Variants in DDIAS observed in about 807,000 individuals in gnomAD.
DDIAS encodes the protein DNA damage induced apoptosis suppressor.
DDIAS carries 14 observed loss-of-function variants against 15.7 expected under a neutral mutation model. That is an observed-to-expected ratio of 0.89 (90% CI 0.59 to 1.39). The LOEUF (loss-of-function observed/expected upper bound fraction) is 1.39. Among genes scored for constraint, DDIAS ranks in the 40% most tolerant of loss-of-function variants. DDIAS has a pLI of 0.00. For synonymous variants in DDIAS, 355 were observed against 395.9 expected (o/e 0.90, Z 1.23); for missense variants, 1,035 against 1,130.9 (o/e 0.92, Z 1.22).
intron 3 of DDIAS, among the ~76,000 whole-genome samples, chr11:82,922,396 G>C (rs1269022846): frequency 6.6e-6 from 1 of 152,148 alleles, no homozygotes; most frequent in Middle Eastern, 3.4e-3. Flanking sequence ...TTGGATGCTT[G>C]GTTCATAATT....
Position 82,914,863 on chromosome 11 carries a change from G to A in DDIAS, c.113+12G>A. 2 of 1,506,354 alleles carry A rather than the reference G, an allele frequency of 1.3e-6. No homozygotes were observed. Among genetic ancestry groups the A allele is most frequent in the Non-Finnish European group, 1.8e-6 (2 of 1,088,994 alleles). The allele number at this position is 1,506,354 out of a possible 1,614,324, so 93.3% of individuals were successfully genotyped here. A position where few individuals can be genotyped will look rare whatever the true frequency, so the allele number is the denominator to read the frequency against. On this transcript the variant is annotated intron_variant, in intron 3 of 5. Transcript: ENST00000533655. ...CTGGTCTCCAAAAGGTAAAAGTAAAGTCTGTAAGTGTGAGAGAGGAAATAC... is the reference window on the plus strand; with the variant it reads ...CTGGTCTCCAAAAGGTAAAAGTAAAATCTGTAAGTGTGAGAGAGGAAATAC...
At chr11:82,930,374 A>C in intron 5 of DDIAS, 100 bp downstream of exon 5, 1 of 866,620 alleles carries the variant, frequency 1.2e-6, no homozygotes, top group South Asian at 1.6e-5. Flanking sequence ...TGTACATGTG[A>C]AGGCCTGTAG....
chr11:82,914,807 A>T lies in DDIAS; in HGVS notation c.69A>T (p.Pro23=), dbSNP rs781039063. 4 of 1,609,852 alleles carry T rather than the reference A, an allele frequency of 2.5e-6. No individual in the cohort carries two copies. The highest frequency in any genetic ancestry group is 1.3e-5 in the African/African-American group (1 of 74,802). The change falls in exon 3 of 6, where the codon CCA becomes CCT. Residue 23 remains proline, a synonymous_variant. Coordinates refer to ENST00000533655, the MANE Select transcript of DDIAS (RefSeq NM_145018.4). ...TCCAGAATTCAAGTTTTATATATCC[A>T]TCATGTCAGAAGTGCTTCTCTAGGA... is the stretch of plus-strand genomic sequence containing the variant. ...LALQNSSFIY[P]SCQKCFSRII... is the part of the protein sequence containing the mutation.
chr11:82,929,631 G>A (rs1335737197), intron 4 of DDIAS, among the ~76,000 whole-genome samples: 1 of 150,666 alleles, frequency 6.6e-6, no homozygotes, highest in Non-Finnish European at 1.5e-5. Flanking sequence ...ATGAACCCAG[G>A]AGGCAGAGCT....
chr11:82,907,003 G>T (rs1004553787), intron 1 of DDIAS, among the ~76,000 whole-genome samples: 4 of 152,050 alleles, frequency 2.6e-5, no homozygotes, highest in African/African-American at 9.7e-5. Context: ...TTGAGTCCAG[G>T]AAAAACAAGC....
rs35533646 is a variant in DDIAS, at chr11:82,933,009, G to C, written c.1671G>C (p.Lys557Asn). Residue 557 changes from lysine (K) to asparagine (N), a missense_variant, in exon 6 of 6, where the codon AAG becomes AAC. By Grantham distance (94) the Lys-to-Asn change is moderately conservative. Transcript: ENST00000533655. ...TAGAAACAATAGTTACTCTTAAGAA[G>C]ACTATCAGAATCTCACCACACAGGG... ...KDLETIVTLK[K>N]TIRISPHRES... 3.0e-3 allele frequency: 4,881 copies of C among 1,609,696 alleles called. 8 individuals are homozygous for C. The highest frequency in any genetic ancestry group is 4.0e-3 in the Non-Finnish European group (4,660 of 1,179,596).
At chr11:82,916,156 G>A (rs1195261964) in intron 3 of DDIAS, among the ~76,000 whole-genome samples, 4 of 152,104 alleles carry the variant, frequency 2.6e-5, no homozygotes, top group Non-Finnish European at 5.9e-5. Flanking sequence ...GTTAACTTCT[G>A]TGAGTCTAAT....
intron 1 of DDIAS, among the ~76,000 whole-genome samples, chr11:82,911,589 C>T (rs1052718112): frequency 6.6e-6 from 1 of 152,240 alleles, no homozygotes; most frequent in Non-Finnish European, 1.5e-5. Context: ...ACTTCCTCCA[C>T]TGAAGGCTTG....
chr11:82,913,002 C>A (rs1306277933), intron 1 of DDIAS, among the ~76,000 whole-genome samples: 2 of 152,058 alleles, frequency 1.3e-5, no homozygotes, highest in South Asian at 2.1e-4. Context: ...TTGTGGCACC[C>A]CAAAACAATT....
At chr11:82,919,078 G>A (rs928606386) in intron 3 of DDIAS, among the ~76,000 whole-genome samples, 10 of 152,132 alleles carry the variant, frequency 6.6e-5, no homozygotes, top group Non-Finnish European at 8.8e-5. Flanking sequence ...TGATTTAGAT[G>A]CCCTTTCTTT....
intron 3 of DDIAS, among the ~76,000 whole-genome samples, chr11:82,928,473 A>G (rs1239685447): frequency 6.6e-6 from 1 of 152,020 alleles, no homozygotes; most frequent in East Asian, 1.9e-4. Context: ...TGCTGGGATT[A>G]CAGGTGTGAA....
intron 4 of DDIAS, among the ~76,000 whole-genome samples, chr11:82,929,651 C>A (rs1315663946): frequency 6.6e-6 from 1 of 150,710 alleles, no homozygotes; most frequent in African/African-American, 2.4e-5. Flanking sequence ...TTGTAGTGAG[C>A]CAAGATTGCA....
rs1861027523 is a variant in DDIAS, at chr11:82,932,806, T to A, written c.1468T>A (p.Cys490Ser). The A allele has an allele frequency of 1.9e-6, 3 of 1,613,726 alleles. No homozygotes were observed. The highest frequency in any genetic ancestry group is 2.2e-5 in the South Asian group (2 of 91,078). ...RSSQVIVKANCSKDDFLFNCK... is the reference protein window; with the variant it reads ...RSSQVIVKANSSKDDFLFNCK... Reference sequence around the variant, plus strand: ...ATCACAAGTAATAGTCAAAGCAAACTGTAGCAAAGATGACTTCCTTTTCAA... The same window carrying A: ...ATCACAAGTAATAGTCAAAGCAAACAGTAGCAAAGATGACTTCCTTTTCAA... The change falls in exon 6 of 6, where the codon TGT becomes AGT. Residue 490 changes from cysteine to serine, a missense_variant. Physicochemically the swap from Cys to Ser is moderately radical, Grantham distance 112. Transcript: ENST00000533655.
At chr11:82,914,078 A>G (rs558448556) in intron 2 of DDIAS, 2 of 331,486 alleles carry the variant, frequency 6.0e-6, no homozygotes, top group East Asian at 1.1e-4. Context: ...CTGGGATTAC[A>G]GGCACCCCCC....
intron 3 of DDIAS, among the ~76,000 whole-genome samples, chr11:82,919,636 T>C (rs1225618111): frequency 6.6e-6 from 1 of 152,244 alleles, no homozygotes; most frequent in Non-Finnish European, 1.5e-5. Flanking sequence ...GAGGGTTCCC[T>C]CTTTATCTCA....
chr11:82,906,457 C>T (rs1315451188), intron 1 of DDIAS, among the ~76,000 whole-genome samples: 1 of 151,984 alleles, frequency 6.6e-6, no homozygotes, highest in African/African-American at 2.4e-5. Flanking sequence ...AGAAATGAAC[C>T]CAAAATTTCC....
rs567673561 is a variant in DDIAS, at chr11:82,919,975, A to G, written c.113+5124A>G. Among the ~76,000 whole-genome samples the G allele has an allele frequency of 3.9e-5, 6 of 152,120 alleles. No homozygotes were observed. In the South Asian group the frequency reaches 1.2e-3, roughly 32 times the overall value. On this transcript the variant is annotated intron_variant, in intron 3 of 5. Transcript: ENST00000533655. The stretch of plus-strand genomic sequence containing the variant: ...CCTAACCTCATGATCCGCCCACCTC[A>G]GCCTCCCAAAGCGCTGGGATTACAG...
At chr11:82,923,284 C>G (rs1474945223) in intron 3 of DDIAS, among the ~76,000 whole-genome samples, 1 of 152,220 alleles carries the variant, frequency 6.6e-6, no homozygotes. Flanking sequence ...TGGTGCTTAT[C>G]TTTTCTACTG....
At chr11:82,923,044 G>A (rs943648646) in intron 3 of DDIAS, among the ~76,000 whole-genome samples, 4 of 152,194 alleles carry the variant, frequency 2.6e-5, no homozygotes, top group African/African-American at 9.7e-5. Context: ...GATGTGAATC[G>A]TTTATGGGTG....
Sources: allele counts gnomAD v4.1 joint callset (sites outside exome capture counted in the v4.1 genomes callset), GRCh38; gene constraint gnomAD v4.1.1; transcripts MANE v1.5; gene names NCBI Gene and HGNC (gene_info 2026-07-23, HGNC 2026-07-21).